The following DPP3 variants were observed in gnomAD, a reference collection of about 807,000 sequenced individuals.
DPP3 encodes dipeptidyl peptidase 3, also known as DPP III.
DPP3 carries 64 observed loss-of-function variants against 89.8 expected under a neutral mutation model. That is an observed-to-expected ratio of 0.71 (90% CI 0.58 to 0.88). The LOEUF (loss-of-function observed/expected upper bound fraction) is 0.88. Among genes scored for constraint, DPP3 ranks in the 40% least tolerant of loss-of-function variants. The pLI is 0.00. For missense variants in DPP3, 835 were observed against 972.5 expected, an observed-to-expected ratio of 0.86 and a Z score of 1.88; for synonymous variants, 377 against 404.3, an observed-to-expected ratio of 0.93 and a Z score of 0.81.
chr11:66,490,860 C>G (rs1590736450), intron 6 of DPP3, among the ~76,000 whole-genome samples: 1 of 150,682 alleles, frequency 6.6e-6, no homozygotes, highest in African/African-American at 2.4e-5. Context: ...ACCACTGTCT[C>G]CCGGGTTCAA....
chr11:66,481,545 A>G (rs1018586484), intron 1 of DPP3, among the ~76,000 whole-genome samples: 10 of 152,096 alleles, frequency 6.6e-5, no homozygotes, highest in Admixed American at 6.5e-4. Flanking sequence ...GAGCCTAGAG[A>G]TGAGGATCTC....
At chr11:66,487,864 C>G in intron 5 of DPP3, 50 bp from the exon 6 acceptor site, 14 of 1,568,652 alleles carry the variant, frequency 8.9e-6, no homozygotes, top group Non-Finnish European at 1.1e-5. Context: ...CCTCCCACCC[C>G]ACTGCCCTCT....
intron 4 of DPP3, 119 bp downstream of exon 4, chr11:66,486,796 C>A: frequency 8.0e-7 from 1 of 1,251,306 alleles, no homozygotes; most frequent in Non-Finnish European, 1.1e-6. Flanking sequence ...ACTCCTGAGG[C>A]AATGCTGCTC....
At chr11:66,495,982 A>C (rs1260854936) in intron 15 of DPP3, among the ~76,000 whole-genome samples, 1 of 152,130 alleles carries the variant, frequency 6.6e-6, no homozygotes, top group African/African-American at 2.4e-5. Context: ...AGATGAGGTG[A>C]CTTTATTAGG....
Position 66,505,681 on chromosome 11 carries a change from A to G in DPP3, c.2041+907A>G, listed in dbSNP as rs1213143499. Among the ~76,000 whole-genome samples the G allele has an allele frequency of 8.5e-5, 13 of 152,182 alleles. No individual in the cohort carries two copies. The South Asian group carries it at 1.9e-3, about 22-fold the overall frequency. ...ATGGCTTTTTAGTGGAGGAGCCAAGAGTCAAATTAAGAGTGGTTGAGTCAG... is the reference window on the plus strand; with the variant it reads ...ATGGCTTTTTAGTGGAGGAGCCAAGGGTCAAATTAAGAGTGGTTGAGTCAG... On this transcript the variant is annotated intron_variant, in intron 17 of 17. Transcript: ENST00000531863.
rs759466734 is a variant in DPP3 at position 66,491,696 on chromosome 11, A to T, written c.930-2A>T. 6.2e-6 allele frequency: 9 copies of T among 1,440,786 alleles called. No individual in the cohort carries two copies. The African/African-American group carries it at 1.6e-4, about 26-fold the overall frequency. The allele number at this position is 1,440,786 out of a possible 1,614,324, so 89.3% of individuals were successfully genotyped here. A position where few individuals can be genotyped will look rare whatever the true frequency, so the allele number is the denominator to read the frequency against. On this transcript the variant is annotated splice_acceptor_variant, in intron 8 of 17. Coordinates refer to ENST00000531863, the MANE Select transcript of DPP3 (RefSeq NM_130443.4). LOFTEE classifies it high-confidence loss of function. Reference sequence around the variant, plus strand: ...CTCCACCTCTGCCCTTCTCTCCCCCAGTTACATCGGGTTCATCGAGAGCTA... The same window carrying T: ...CTCCACCTCTGCCCTTCTCTCCCCCTGTTACATCGGGTTCATCGAGAGCTA...
At chr11:66,487,740 G>T (rs1180547990) in intron 5 of DPP3, among the ~76,000 whole-genome samples, 174 bp from the exon 6 acceptor site, 2 of 152,086 alleles carry the variant, frequency 1.3e-5, no homozygotes, top group African/African-American at 4.8e-5. Flanking sequence ...GAGCAGGAGA[G>T]TCGGCCCTGG....
chr11:66,480,754 G>A (rs2134711748), intron 1 of DPP3: 1 of 350,918 alleles, frequency 2.8e-6, no homozygotes, highest in Non-Finnish European at 5.1e-6. Flanking sequence ...AATGCCCCGG[G>A]TTGGGGAATC....
At chr11:66,489,375 C>T (rs544180771) in intron 6 of DPP3, among the ~76,000 whole-genome samples, 9 of 152,238 alleles carry the variant, frequency 5.9e-5, no homozygotes, top group East Asian at 1.9e-4. Context: ...ACAAGCTCCC[C>T]GAGAGGAGGG....
At chr11:66,504,064 T>C (rs1855743395) in intron 16 of DPP3, among the ~76,000 whole-genome samples, 1 of 152,170 alleles carries the variant, frequency 6.6e-6, no homozygotes, top group African/African-American at 2.4e-5. Context: ...TGGCCTCACA[T>C]GGTGGAAAGC....
At position 66,494,808 on chromosome 11, in the gene DPP3, C is replaced by T. The variant is rs776242949; in HGVS notation, c.1390-398C>T. Among the ~76,000 whole-genome samples the T allele has an allele frequency of 1.7e-4, 26 of 152,176 alleles. 1 individual carries two copies. The highest frequency in any genetic ancestry group is 3.3e-4 in the Admixed American group (5 of 15,284). On this transcript the variant is annotated intron_variant, in intron 12 of 17. Transcript: ENST00000531863. Reference sequence around the variant, plus strand: ...TGCAGTGGGAGGGTGAGAATGACACCGTGGCCTCCTCTGGCAGTGCCAGGA... The same window carrying T: ...TGCAGTGGGAGGGTGAGAATGACACTGTGGCCTCCTCTGGCAGTGCCAGGA...
intron 6 of DPP3, among the ~76,000 whole-genome samples, chr11:66,489,218 C>T (rs946840462): frequency 2.0e-5 from 3 of 152,138 alleles, no homozygotes; most frequent in East Asian, 3.9e-4. Context: ...GGAACCCCCT[C>T]CAGCCTCTCC....
In DPP3 at chr11:66,488,025, C is replaced by T. The variant is rs758157743; in HGVS notation, c.667+18C>T. On this transcript the variant is annotated intron_variant, in intron 6 of 17. Transcript: ENST00000531863. ...TGGCTCAGGTGAGCTTAGCCCCAGG[C>T]TTCCCTTCTGCTCCCTCCTGGGCAT... 5 of 1,611,514 alleles carry T rather than the reference C, an allele frequency of 3.1e-6. No individual in the cohort carries two copies. The African/African-American group carries it at 6.7e-5, about 22-fold the overall frequency.
chr11:66,493,657 G>T, intron 12 of DPP3, 24 bp downstream of exon 12: 1 of 1,589,712 alleles, frequency 6.3e-7, no homozygotes. Flanking sequence ...GGCCAGCCCT[G>T]GCACCCCAGC....
At position 66,495,613 on chromosome 11, in the gene DPP3, G is replaced by A; in HGVS notation, c.1578-17G>A. ...GCAGCCTCTGACCATCCTGCCACCT[G>A]CCTGCCCCTCTCACAGGATCTTTGG... is the stretch of plus-strand genomic sequence containing the variant. On this transcript the variant is annotated splice_polypyrimidine_tract_variant and intron_variant, in intron 14 of 17. Transcript: ENST00000531863. 6.2e-7 allele frequency: 1 copy of A among 1,614,106 alleles called. No individual in the cohort carries two copies. The highest frequency in any genetic ancestry group is 8.5e-7 in the Non-Finnish European group (1 of 1,180,020).
intron 9 of DPP3, 58 bp from the exon 10 acceptor site, chr11:66,492,658 G>C: frequency 2.0e-6 from 3 of 1,523,008 alleles, no homozygotes; most frequent in Non-Finnish European, 2.6e-6. Context: ...CTGGAGTAGG[G>C]TGAAGTGGGA....
chr11:66,501,408 G>A (rs2134747192), intron 16 of DPP3, among the ~76,000 whole-genome samples: 1 of 151,348 alleles, frequency 6.6e-6, no homozygotes, highest in Non-Finnish European at 1.5e-5. Context: ...AGGAGATGAA[G>A]TTGTGTGTTT....
chr11:66,487,265 CAG>C lies in DPP3; in HGVS notation c.499-2_499-1del. ...TTCTCATGTCCCCTGTCTTCCCCAA[CAG>C]GGAATCACCACCTATTTCTCTGGGA... On this transcript the variant is annotated splice_acceptor_variant, in intron 4 of 17. Coordinates refer to ENST00000531863, the MANE Select transcript of DPP3 (RefSeq NM_130443.4). LOFTEE classifies it high-confidence loss of function. The C allele has an allele frequency of 6.2e-7, 1 of 1,613,928 alleles. No individual in the cohort carries two copies. Among genetic ancestry groups the C allele is most frequent in the Non-Finnish European group, 8.5e-7 (1 of 1,179,856 alleles).
Position 66,492,927 on chromosome 11 carries a change from C to T in DPP3, c.1183+17C>T. 2 of 1,600,504 alleles carry T rather than the reference C, an allele frequency of 1.2e-6. No individual in the cohort carries two copies. The highest frequency in any genetic ancestry group is 1.7e-6 in the Non-Finnish European group (2 of 1,172,636). Reference sequence around the variant, plus strand: ...TCCCCAACTGTGAGTGTCTCAGGCCCAGCCCCCGAGCCCCAGAAACCTTCC... The same window carrying T: ...TCCCCAACTGTGAGTGTCTCAGGCCTAGCCCCCGAGCCCCAGAAACCTTCC... On this transcript the variant is annotated intron_variant, in intron 10 of 17. Coordinates refer to ENST00000531863, the MANE Select transcript of DPP3 (RefSeq NM_130443.4).
Sources: gnomAD v4.1 joint callset for allele counts (sites outside exome capture counted in the v4.1 genomes callset) on GRCh38, gnomAD v4.1.1 for gene constraint, MANE v1.5 for transcripts, NCBI Gene and HGNC (gene_info 2026-07-23, HGNC 2026-07-21) for gene names.